CBY1: variants seen among roughly 807,000 people sequenced by gnomAD.
CBY1 encodes protein chibby homolog 1.
CBY1 carries 10 observed loss-of-function variants against 15.6 expected under a neutral mutation model. The ratio of observed to expected loss-of-function variants is 0.64; its 90% CI spans 0.40 to 1.09. The LOEUF (loss-of-function observed/expected upper bound fraction) is 1.09. Among genes scored for constraint, CBY1 ranks in the 50% least tolerant of loss-of-function variants. The pLI is 0.01. For synonymous variants in CBY1, 61 were observed against 63.5 expected (o/e 0.96, Z 0.19); for missense variants, 150 against 160.5 (o/e 0.93, Z 0.35).
In CBY1 at chr22:38,673,289, T is replaced by C; in HGVS notation, c.*53T>C. 1 of 1,198,520 alleles carries C rather than the reference T, an allele frequency of 8.3e-7. No homozygotes were observed. The highest frequency in any genetic ancestry group is 1.2e-6 in the Non-Finnish European group (1 of 804,170). 74.2% of individuals were successfully genotyped at this position (1,198,520 alleles called of 1,614,324 possible). On this transcript the variant is annotated 3_prime_UTR_variant, in exon 5 of 5. Transcript: ENST00000216029. ...AGGATGTGGCTGAGTGCTTTTTTTT[T>C]GGCCAGACTAGCGGATTCAGTCCTG...
At chr22:38,667,778 C>G in intron 1 of CBY1, 1 of 427,782 alleles carries the variant, frequency 2.3e-6, no homozygotes, top group Non-Finnish European at 4.2e-6. Context: ...GAAAACTAAC[C>G]TACTCCATGA....
chr22:38,662,126 A>G (rs2092423762), intron 1 of CBY1, among the ~76,000 whole-genome samples: 1 of 151,962 alleles, frequency 6.6e-6, no homozygotes, highest in Admixed American at 6.6e-5. Flanking sequence ...ACATGGCGAA[A>G]CCCCGTCTCT....
intron 2 of CBY1, among the ~76,000 whole-genome samples, chr22:38,669,143 C>CT: frequency 6.6e-6 from 1 of 152,302 alleles, no homozygotes; most frequent in Non-Finnish European, 1.5e-5. Flanking sequence ...AGCCTTGGTA[C>CT]TTGTAAGGCC....
chr22:38,672,051 C>G (rs1031535221), intron 4 of CBY1, among the ~76,000 whole-genome samples: 3 of 151,338 alleles, frequency 2.0e-5, no homozygotes, highest in African/African-American at 7.3e-5. Flanking sequence ...GTCACAAGGT[C>G]AGGAGTTCGA....
In CBY1 at chr22:38,673,196, A is replaced by G. The variant is rs2092458111; in HGVS notation, c.341A>G (p.Lys114Arg). 1 of 1,612,962 alleles carries G rather than the reference A, an allele frequency of 6.2e-7. No individual in the cohort carries two copies. Among genetic ancestry groups the G allele is most frequent in the African/African-American group, 1.3e-5 (1 of 75,038 alleles). ...ACTGCTGAATCCCACTTAATGGAGA[A>G]GGAACTGGATGAACTGAGGATCAGC... The part of the protein sequence containing the change: ...ESTAESHLME[K>R]ELDELRISRK... Residue 114 changes from lysine to arginine, a missense_variant, in exon 5 of 5, where the codon AAG becomes AGG. Transcript: ENST00000216029.
chr22:38,670,847 G>C, intron 2 of CBY1, 37 bp from the exon 3 acceptor site: 1 of 1,433,688 alleles, frequency 7.0e-7, no homozygotes, highest in Non-Finnish European at 9.8e-7. Flanking sequence ...GCGTGTTCCG[G>C]GCCTGCTGAA....
chr22:38,672,607 C>T (rs539345009), intron 4 of CBY1, among the ~76,000 whole-genome samples: 19 of 152,096 alleles, frequency 1.2e-4, no homozygotes, highest in South Asian at 4.1e-4. Context: ...TGAGCCACCA[C>T]GCCCGGCCTG....
intron 1 of CBY1, among the ~76,000 whole-genome samples, chr22:38,659,282 CAG>C (rs1569253092): frequency 1.3e-5 from 2 of 150,780 alleles, no homozygotes; most frequent in Non-Finnish European, 3.0e-5. Flanking sequence ...TTTTTTGAGA[CAG>C]AGTCTTGCTC....
chr22:38,673,505 TG>T lies in CBY1; in HGVS notation c.*271del, dbSNP rs2092459126. The T allele has an allele frequency of 5.4e-6, 2 of 371,874 alleles. No homozygotes were observed. The highest frequency in any genetic ancestry group is 4.1e-5 in the African/African-American group (2 of 48,312). 23.0% of individuals were successfully genotyped at this position (371,874 alleles called of 1,614,324 possible). ...GGCCTGGGGCTGCTGATGAGCTTTT[TG>T]GTGCTCTCCACACACAAGCTCGCAA... On this transcript the variant is annotated 3_prime_UTR_variant, in exon 5 of 5. Coordinates refer to ENST00000216029, the MANE Select transcript of CBY1 (RefSeq NM_015373.4).
At chr22:38,661,243 G>A (rs2092421514) in intron 1 of CBY1, among the ~76,000 whole-genome samples, 2 of 152,100 alleles carry the variant, frequency 1.3e-5, no homozygotes, top group East Asian at 1.9e-4. Context: ...GTGTGTTCTC[G>A]GCTCACCGCA....
intron 1 of CBY1, among the ~76,000 whole-genome samples, chr22:38,667,191 TG>T (rs2092439183): frequency 6.7e-6 from 1 of 149,354 alleles, no homozygotes; most frequent in South Asian, 2.1e-4. Context: ...TTGTATTTTT[TG>T]TAGAGACAGA....
intron 1 of CBY1, chr22:38,657,211 C>A: frequency 1.6e-6 from 1 of 615,016 alleles, no homozygotes; most frequent in Non-Finnish European, 2.0e-6. Context: ...TGATTAGTAT[C>A]AGTATCTGTG....
chr22:38,659,796 AGCTT>A (rs1569253233), intron 1 of CBY1, among the ~76,000 whole-genome samples: 2 of 146,340 alleles, frequency 1.4e-5, no homozygotes, highest in Non-Finnish European at 3.0e-5. Context: ...TGGGAGGCGG[AGCTT>A]GCAGTGAGCC....
chr22:38,660,515 T>C (rs1053157499), intron 1 of CBY1, among the ~76,000 whole-genome samples: 2 of 152,050 alleles, frequency 1.3e-5, no homozygotes, highest in Non-Finnish European at 2.9e-5. Context: ...CTTTTAATGA[T>C]GTGCCTCACA....
At chr22:38,667,697 A>G (rs1026091457) in intron 1 of CBY1, 11 of 247,204 alleles carry the variant, frequency 4.4e-5, no homozygotes, top group African/African-American at 2.3e-4. Context: ...GAAGGCTCAC[A>G]TGGTGAGCAA....
chr22:38,668,425 C>A, intron 2 of CBY1: 1 of 245,648 alleles, frequency 4.1e-6, no homozygotes, highest in Non-Finnish European at 8.0e-6. Context: ...GGCTAGGGTG[C>A]AGTGGCGCGA....
intron 1 of CBY1, among the ~76,000 whole-genome samples, chr22:38,660,653 CATATACACCTTCA>C (rs2092419771): frequency 6.6e-6 from 1 of 151,888 alleles, no homozygotes; most frequent in Non-Finnish European, 1.5e-5. Flanking sequence ...CACGCAGACG[CATATACACCTTCA>C]GCCAACTGAT....
At chr22:38,664,007 G>A (rs1264616411) in intron 1 of CBY1, among the ~76,000 whole-genome samples, 1 of 151,026 alleles carries the variant, frequency 6.6e-6, no homozygotes, top group East Asian at 1.9e-4. Flanking sequence ...GGGTGACAGA[G>A]CGAGACTGTG....
chr22:38,668,800 T>C (rs1369248106), intron 2 of CBY1: 1 of 152,650 alleles, frequency 6.6e-6, no homozygotes, highest in Non-Finnish European at 1.5e-5. Flanking sequence ...GAGCATTCAC[T>C]ACAGGTTTCA....
Sources: allele counts gnomAD v4.1 joint callset (sites outside exome capture counted in the v4.1 genomes callset), GRCh38; gene constraint gnomAD v4.1.1; transcripts MANE v1.5; gene names NCBI Gene and HGNC (gene_info 2026-07-23, HGNC 2026-07-21).